Variants in ST6GAL2 observed in about 807,000 individuals in gnomAD.
ST6GAL2 encodes ST6 beta-galactoside alpha-2,6-sialyltransferase 2.
A neutral mutation model predicts 37.5 loss-of-function variants in ST6GAL2; 24 were observed. That is an observed-to-expected ratio of 0.64 (90% confidence interval 0.46 to 0.90). The LOEUF is 0.90. Ranked by LOEUF, ST6GAL2 falls within the 40% of genes least tolerant of loss-of-function variation. The probability of loss-of-function intolerance (pLI) is 0.00; values close to 1 mark genes in which losing one functional copy is unlikely to be tolerated. For missense variants in ST6GAL2, 715 were observed against 712.7 expected (o/e 1.00, Z -0.04); for synonymous variants, 306 against 295.1 (o/e 1.04, Z -0.38).
intron 1 of ST6GAL2, among the ~76,000 whole-genome samples, chr2:106,875,630 T>C (rs1313824946): frequency 2.6e-5 from 4 of 152,234 alleles, no homozygotes; most frequent in Non-Finnish European, 5.9e-5. Flanking sequence ...ATTCATTGTT[T>C]CCAAATTGCA....
intron 5 of ST6GAL2, among the ~76,000 whole-genome samples, chr2:106,818,175 C>T (rs1675875912): frequency 2.0e-5 from 3 of 152,206 alleles, no homozygotes; most frequent in Non-Finnish European, 1.5e-5. Flanking sequence ...CACAAGCTGG[C>T]TGGCTTCATC....
At chr2:106,847,541 C>A (rs771596929) in intron 1 of ST6GAL2, among the ~76,000 whole-genome samples, 13 of 152,288 alleles carry the variant, frequency 8.5e-5, no homozygotes, top group African/African-American at 2.9e-4. Flanking sequence ...AGACTGCCCT[C>A]GTTTCACATG....
intron 1 of ST6GAL2, among the ~76,000 whole-genome samples, chr2:106,850,442 T>C (rs1009967034): frequency 1.3e-5 from 2 of 152,148 alleles, no homozygotes; most frequent in Non-Finnish European, 2.9e-5. Flanking sequence ...ACAAGAATAA[T>C]AGGAAGGAGT....
At chr2:106,807,372 A>G (rs1675451673) in intron 5 of ST6GAL2, among the ~76,000 whole-genome samples, 1 of 152,180 alleles carries the variant, frequency 6.6e-6, no homozygotes, top group Non-Finnish European at 1.5e-5. Context: ...TGCCATAAAA[A>G]CTAAATTATA....
chr2:106,848,524 G>A (rs1281306226), intron 1 of ST6GAL2, among the ~76,000 whole-genome samples: 1 of 152,218 alleles, frequency 6.6e-6, no homozygotes, highest in Non-Finnish European at 1.5e-5. Flanking sequence ...GTGGTGGGAA[G>A]TGAAACAACA....
rs920957784 is a variant in ST6GAL2 at position 106,877,314 on chromosome 2, T to C, written c.-58+8779A>G. 3.9e-5 allele frequency among the ~76,000 whole-genome samples: 6 copies of C among 152,356 alleles called. No individual in the cohort carries two copies. The South Asian group carries it at 6.2e-4, about 16-fold the overall frequency. On this transcript the variant is annotated intron_variant, in intron 1 of 5. Coordinates refer to ENST00000409382, the MANE Select transcript of ST6GAL2 (RefSeq NM_001142351.2). ...TACCTGAAGTTGATGAACTCTGACATGTGAGATTACATGGAGCTGACAATG... is the reference window on the plus strand; with the variant it reads ...TACCTGAAGTTGATGAACTCTGACACGTGAGATTACATGGAGCTGACAATG...
In ST6GAL2 at chr2:106,806,651, T is replaced by C. The variant is rs368404352; in HGVS notation, c.*27A>G. The C allele has an allele frequency of 1.1e-5, 18 of 1,606,304 alleles. No individual in the cohort carries two copies. The highest frequency in any genetic ancestry group is 1.5e-5 in the Non-Finnish European group (18 of 1,175,266). On this transcript the variant is annotated 3_prime_UTR_variant, in exon 6 of 6. Coordinates refer to ENST00000409382, the MANE Select transcript of ST6GAL2 (RefSeq NM_001142351.2). ...TTTGAGTACAACAGTAGTACCTTAT[T>C]GCACATTGATTCCCAAGAAACCCTT... is the stretch of plus-strand genomic sequence containing the variant.
chr2:106,871,048 G>A (rs1389787433), intron 1 of ST6GAL2, among the ~76,000 whole-genome samples: 1 of 152,132 alleles, frequency 6.6e-6, no homozygotes, highest in Non-Finnish European at 1.5e-5. Context: ...AAATCTAGAT[G>A]GTACAGCCTA....
intron 5 of ST6GAL2, 123 bp downstream of exon 5, chr2:106,829,943 T>C (rs1007104294): frequency 4.3e-6 from 4 of 931,238 alleles, no homozygotes; most frequent in African/African-American, 1.7e-5. Context: ...TCAGAAATAC[T>C]TCTGGTTCCA....
At chr2:106,814,786 G>A (rs532265791) in intron 5 of ST6GAL2, among the ~76,000 whole-genome samples, 3 of 152,318 alleles carry the variant, frequency 2.0e-5, no homozygotes, top group African/African-American at 7.2e-5. Flanking sequence ...CAAAATAGAA[G>A]CTACAGGACT....
chr2:106,882,277 G>C (rs1433920131), intron 1 of ST6GAL2, among the ~76,000 whole-genome samples: 4 of 152,176 alleles, frequency 2.6e-5, no homozygotes, highest in Non-Finnish European at 4.4e-5. Context: ...TGTCATTCTT[G>C]TTTTCCTCTG....
intron 2 of ST6GAL2, chr2:106,835,100 T>C (rs1033388756): frequency 3.3e-5 from 5 of 152,198 alleles, no homozygotes; most frequent in Non-Finnish European, 7.3e-5. Context: ...CCTATAAACA[T>C]ACATGCGTCT....
At chr2:106,813,935 T>C (rs1675703721) in intron 5 of ST6GAL2, among the ~76,000 whole-genome samples, 1 of 152,238 alleles carries the variant, frequency 6.6e-6, no homozygotes, top group South Asian at 2.1e-4. Flanking sequence ...AGCTGTTTTG[T>C]GGTTTCTCCT....
chr2:106,849,542 C>G (rs1297464875), intron 1 of ST6GAL2, among the ~76,000 whole-genome samples: 3 of 152,152 alleles, frequency 2.0e-5, no homozygotes, highest in Non-Finnish European at 4.4e-5. Flanking sequence ...AATGGCCATG[C>G]AAAGCTGTCT....
intron 5 of ST6GAL2, among the ~76,000 whole-genome samples, chr2:106,822,477 T>A (rs781416626): frequency 4.0e-5 from 6 of 151,814 alleles, no homozygotes; most frequent in Non-Finnish European, 7.4e-5. Context: ...TTATAAAACA[T>A]CCATGAAAGA....
chr2:106,818,265 G>C (rs545121501), intron 5 of ST6GAL2, among the ~76,000 whole-genome samples: 4 of 152,340 alleles, frequency 2.6e-5, no homozygotes, highest in East Asian at 1.9e-4. Flanking sequence ...CCTTAGGTGA[G>C]AGCCAGTGCT....
Position 106,843,108 on chromosome 2 carries a change from G to C in ST6GAL2, c.870C>G (p.Pro290=). 6.4e-7 allele frequency: 1 copy of C among 1,558,596 alleles called. No individual in the cohort carries two copies. Among genetic ancestry groups the C allele is most frequent in the East Asian group, 2.4e-5 (1 of 42,328 alleles). ...CGACAGCGCAGCTGCGCAGGCCGCG[G>C]GGGTGCAGCTGGCTCAGGGGCACGG... ...VPAVPLSQLH[P]RGLRSCAVVM... is the part of the protein sequence containing the mutation. Residue 290 remains proline (P), a synonymous_variant, in exon 2 of 6, where the codon CCC becomes CCG. Coordinates refer to ENST00000409382, the MANE Select transcript of ST6GAL2 (RefSeq NM_001142351.2).
At position 106,803,280 on chromosome 2, in the gene ST6GAL2, GCTGTTTCTCGAAGC is replaced by G. The variant is rs1326806044; in HGVS notation, c.*3384_*3397del. 6.6e-6 allele frequency: 1 copy of G among 152,194 alleles called. No individual in the cohort carries two copies. The highest frequency in any genetic ancestry group is 1.5e-5 in the Non-Finnish European group (1 of 68,054). The allele number at this position is 152,194 out of a possible 1,614,324, so 9.4% of individuals were successfully genotyped here. A position where few individuals can be genotyped will look rare whatever the true frequency, so the allele number is the denominator to read the frequency against. ...CAAGAGGACCAGACACATGGGAAGT[GCTGTTTCTCGAAGC>G]TCTGCCTTCAGGCAGACAAGGAAAG... On this transcript the variant is annotated 3_prime_UTR_variant, in exon 6 of 6. Transcript: ENST00000409382.
At chr2:106,861,725 G>A (rs1677806257) in intron 1 of ST6GAL2, among the ~76,000 whole-genome samples, 1 of 151,596 alleles carries the variant, frequency 6.6e-6, no homozygotes, top group African/African-American at 2.4e-5. Context: ...GTGTCTCCCA[G>A]GTTCAAGCGA....
Sources: allele counts gnomAD v4.1 joint callset (sites outside exome capture counted in the v4.1 genomes callset), GRCh38; gene constraint gnomAD v4.1.1; transcripts MANE v1.5; gene names NCBI Gene and HGNC (gene_info 2026-07-23, HGNC 2026-07-21).